The following ANXA8 variants were observed in gnomAD, a reference collection of about 807,000 sequenced individuals.
ANXA8 encodes VAC-beta.
In ANXA8, 9 loss-of-function variants were observed where a neutral mutation model predicts 26.8. That is an observed-to-expected ratio of 0.34 (90% CI 0.20 to 0.59). The LOEUF (loss-of-function observed/expected upper bound fraction) is 0.59. Ranked by LOEUF, ANXA8 falls within the 20% of genes least tolerant of loss-of-function variation. The probability of loss-of-function intolerance (pLI) is 0.84; values close to 1 mark genes in which losing one functional copy is unlikely to be tolerated. For missense variants in ANXA8, 83 were observed against 238.5 expected, an observed-to-expected ratio of 0.35 and a Z score of 4.29; for synonymous variants, 39 against 94.8, an observed-to-expected ratio of 0.41 and a Z score of 3.42.
At chr10:47,723,582 T>G in the ANXA8 span, among the ~76,000 whole-genome samples, 2 of 132,422 alleles carry the variant, frequency 1.5e-5, no homozygotes, top group Non-Finnish European at 3.3e-5. Flanking sequence ...CCTCCTTGCT[T>G]TCTAACCTGT....
chr10:47,681,285 A>G, the ANXA8 span, among the ~76,000 whole-genome samples: 1 of 151,842 alleles, frequency 6.6e-6, no homozygotes, highest in Admixed American at 6.6e-5. Context: ...GGCCTGGGGA[A>G]TTGGGATAGT....
At chr10:47,520,884 T>C in the ANXA8 span, among the ~76,000 whole-genome samples, 3 of 131,604 alleles carry the variant, frequency 2.3e-5, no homozygotes, top group Admixed American at 7.4e-5. Context: ...AATTTTGGCT[T>C]TGAGTTGTGT....
chr10:47,518,462 A>G, the ANXA8 span, among the ~76,000 whole-genome samples: 1 of 129,910 alleles, frequency 7.7e-6, no homozygotes, highest in African/African-American at 3.1e-5. Flanking sequence ...CCTAGGCTCG[A>G]GTGCAGTGGT....
the ANXA8 span, among the ~76,000 whole-genome samples, chr10:47,755,555 CTTTTTTTT>C: frequency 1.2e-5 from 1 of 82,988 alleles, no homozygotes; most frequent in African/African-American, 4.8e-5. Context: ...GTGCCCGGCC[CTTTTTTTT>C]TTTTTTTTTT....
the ANXA8 span, among the ~76,000 whole-genome samples, chr10:47,743,170 C>CA: frequency 0.039 from 1,419 of 36,682 alleles, 23 homozygotes; most frequent in African/African-American, 0.092. Context: ...GACTCTGTCT[C>CA]AAAAAAAAAA....
At chr10:47,578,314 T>TA in the ANXA8 span, among the ~76,000 whole-genome samples, 17 of 38,936 alleles carry the variant, frequency 4.4e-4, no homozygotes, top group South Asian at 9.1e-4. Context: ...AGACTCGGGC[T>TA]AAAAAAAAAA....
the ANXA8 span, among the ~76,000 whole-genome samples, chr10:47,489,219 C>G: frequency 7.4e-6 from 1 of 135,804 alleles, no homozygotes; most frequent in African/African-American, 2.7e-5. Flanking sequence ...GGGGTTTCAC[C>G]GTGTTAGCCA....
At chr10:47,969,939 TTC>T in the ANXA8 span, 2 of 151,338 alleles carry the variant, frequency 1.3e-5, no homozygotes, top group Admixed American at 6.6e-5. Flanking sequence ...TAAGCCATCT[TTC>T]TCTCTTTTTT....
At chr10:47,499,120 AAT>A in the ANXA8 span, among the ~76,000 whole-genome samples, 6 of 134,950 alleles carry the variant, frequency 4.4e-5, no homozygotes, top group Non-Finnish European at 9.3e-5. Flanking sequence ...AAAAATAAAA[AAT>A]AATTTTTTTA....
chr10:47,771,583 T>C, the ANXA8 span, among the ~76,000 whole-genome samples: 6 of 151,642 alleles, frequency 4.0e-5, no homozygotes, highest in East Asian at 1.2e-3. Flanking sequence ...TTTTTGTTGT[T>C]GTTGTTGTTG....
chr10:47,941,555 G>C, the ANXA8 span, among the ~76,000 whole-genome samples: 1 of 146,982 alleles, frequency 6.8e-6, no homozygotes, highest in Admixed American at 6.7e-5. Context: ...TCGGGAGGCT[G>C]AGGCACCAGG....
the ANXA8 span, among the ~76,000 whole-genome samples, chr10:47,587,930 T>C: frequency 6.9e-6 from 1 of 145,956 alleles, no homozygotes; most frequent in South Asian, 2.1e-4. Context: ...GTTGAAATCT[T>C]GTGGAAAGCT....
the ANXA8 span, among the ~76,000 whole-genome samples, chr10:47,503,766 A>G: frequency 7.4e-6 from 1 of 135,124 alleles, no homozygotes; most frequent in Non-Finnish European, 1.6e-5. Flanking sequence ...TTTACAAAAA[A>G]AAAAAAAAGA....
the ANXA8 span, among the ~76,000 whole-genome samples, chr10:47,663,269 G>A: frequency 3.4e-5 from 5 of 148,622 alleles, 1 homozygote; most frequent in African/African-American, 5.2e-5. Context: ...ACTGATGACC[G>A]TGTGTCTCTG....
the ANXA8 span, among the ~76,000 whole-genome samples, chr10:47,587,087 C>A: frequency 6.8e-6 from 1 of 147,314 alleles, no homozygotes; most frequent in African/African-American, 2.7e-5. Flanking sequence ...TGCCTGTAGT[C>A]CCAGCTAATG....
At chr10:47,988,832 G>C in the ANXA8 span, among the ~76,000 whole-genome samples, 158 of 151,834 alleles carry the variant, frequency 1.0e-3, 5 homozygotes, top group Non-Finnish European at 2.1e-3. Flanking sequence ...CCATACTCTT[G>C]TTTGTTGTTA....
At chr10:47,559,142 C>CTT in the ANXA8 span, among the ~76,000 whole-genome samples, 126 of 73,308 alleles carry the variant, frequency 1.7e-3, 4 homozygotes, top group African/African-American at 3.2e-3. Flanking sequence ...TGGAGTCTTA[C>CTT]TTTTTTTTTT....
At chr10:47,705,917 C>A in the ANXA8 span, among the ~76,000 whole-genome samples, 6 of 149,994 alleles carry the variant, frequency 4.0e-5, no homozygotes, top group African/African-American at 1.5e-4. Context: ...CCCGACGCAC[C>A]CCCCGCGTAT....
chr10:47,979,913 G>C, the ANXA8 span, among the ~76,000 whole-genome samples: 2 of 152,096 alleles, frequency 1.3e-5, no homozygotes, highest in East Asian at 3.9e-4. Flanking sequence ...AGCCCAGTAA[G>C]ACATGTCAGA....
Sources: gnomAD v4.1 joint callset for allele counts (sites outside exome capture counted in the v4.1 genomes callset) on GRCh38, gnomAD v4.1.1 for gene constraint, MANE v1.5 for transcripts, NCBI Gene and HGNC (gene_info 2026-07-23, HGNC 2026-07-21) for gene names.